Variants in OAS1 observed in about 807,000 individuals in gnomAD.
The protein encoded by OAS1 is 2'-5'-oligoadenylate synthase 1.
In OAS1, 24 loss-of-function variants were observed where a neutral mutation model predicts 38.5. The observed-to-expected ratio is 0.62, with a 90% CI of 0.45 to 0.88. The LOEUF (loss-of-function observed/expected upper bound fraction) is 0.88. OAS1 is among the 40% of genes least tolerant of loss of function. The pLI, the probability that OAS1 is intolerant of heterozygous loss-of-function variation, is 0.00. For missense variants in OAS1, 482 were observed against 493.9 expected, an observed-to-expected ratio of 0.98 and a Z score of 0.23; for synonymous variants, 169 against 193.9, an observed-to-expected ratio of 0.87 and a Z score of 1.07.
At chr12:112,917,967 G>A (rs572312387) in intron 5 of OAS1, 432 of 1,387,092 alleles carry the variant, frequency 3.1e-4, no homozygotes, top group Admixed American at 3.8e-4. Flanking sequence ...TGTCTGCTTC[G>A]GGCTCAGGTT....
At chr12:112,925,535 T>C (rs1206308581) in intron 6 of OAS1, among the ~76,000 whole-genome samples, 1 of 152,132 alleles carries the variant, frequency 6.6e-6, no homozygotes, top group Non-Finnish European at 1.5e-5. Flanking sequence ...CAAATAGGTG[T>C]GCATGCTTTG....
chr12:112,913,996 C>T (rs2043420672), intron 3 of OAS1, among the ~76,000 whole-genome samples: 1 of 152,124 alleles, frequency 6.6e-6, no homozygotes, highest in South Asian at 2.1e-4. Flanking sequence ...TGTTTGGTTA[C>T]ATGAATAAGT....
chr12:112,912,372 G>A (rs926174997), intron 3 of OAS1, among the ~76,000 whole-genome samples: 2 of 152,052 alleles, frequency 1.3e-5, no homozygotes, highest in Non-Finnish European at 2.9e-5. Flanking sequence ...ACAAAAACTC[G>A]AATTTGGGTC....
downstream of OAS1, chr12:112,932,907 G>C (rs770930415): frequency 6.6e-6 from 1 of 152,150 alleles, no homozygotes; most frequent in Non-Finnish European, 1.5e-5. Flanking sequence ...CACATTCCAC[G>C]CCCTCCTTTG....
At chr12:112,928,703 C>T (rs1280955618) in intron 6 of OAS1, among the ~76,000 whole-genome samples, 2 of 152,208 alleles carry the variant, frequency 1.3e-5, no homozygotes, top group Admixed American at 6.5e-5. Context: ...ACTGACGTGC[C>T]GTCACTTCTC....
In OAS1 at chr12:112,907,564, G is replaced by A. The variant is rs570446925; in HGVS notation, c.180+345G>A. ...TTGCTAATTCGTGGCCAGGCTAGGG[G>A]CTCACCATTTCTGCAGTGAAGAATC... is the stretch of plus-strand genomic sequence containing the variant. On this transcript the variant is annotated intron_variant, in intron 1 of 5. Coordinates refer to ENST00000202917, the MANE Select transcript of OAS1 (RefSeq NM_016816.4). The A allele has an allele frequency of 9.1e-5, 22 of 240,588 alleles. No homozygotes were observed. The South Asian group carries it at 2.2e-3, about 24-fold the overall frequency. The allele number at this position is 240,588 out of a possible 1,614,324, so 14.9% of individuals were successfully genotyped here. A position where few individuals can be genotyped will look rare whatever the true frequency, so the allele number is the denominator to read the frequency against.
exon 7 of OAS1, chr12:112,931,971 T>C (rs2043599953): frequency 1.4e-6 from 1 of 699,960 alleles, no homozygotes. Context: ...CATTATCCTA[T>C]AGTTTCCAGG....
chr12:112,916,428 C>G (rs1253723763), intron 3 of OAS1, 81 bp from the exon 4 acceptor site: 1 of 1,002,946 alleles, frequency 1.0e-6, no homozygotes, highest in South Asian at 1.4e-5. Flanking sequence ...AGGTGGCAGG[C>G]TGGATTTGGC....
rs540823823 is a variant in OAS1, at chr12:112,912,018, C to T, written c.654+783C>T. ...AGAGAAACTCCTGGGTCACATGGCT[C>T]ATTCGGCCAATAAGTAGCAGAAGTA... On this transcript the variant is annotated intron_variant, in intron 3 of 5. Transcript: ENST00000202917. Among the ~76,000 whole-genome samples the T allele has an allele frequency of 2.2e-3, 335 of 152,334 alleles. 1 individual carries two copies. Among genetic ancestry groups the T allele is most frequent in the African/African-American group, 7.8e-3 (325 of 41,578 alleles).
downstream of OAS1, among the ~76,000 whole-genome samples, chr12:112,922,074 G>A (rs1053275772): frequency 2.0e-5 from 3 of 152,132 alleles, no homozygotes; most frequent in African/African-American, 4.8e-5. Flanking sequence ...AGAATCTGAT[G>A]ACGCTTTTCG....
At chr12:112,921,440 T>C (rs559007126), downstream of OAS1, among the ~76,000 whole-genome samples, 12 of 152,336 alleles carry the variant, frequency 7.9e-5, no homozygotes, top group South Asian at 2.1e-4. Context: ...GAATCAGTAA[T>C]TAGTTGCTTG....
downstream of OAS1, among the ~76,000 whole-genome samples, chr12:112,922,822 A>G (rs2043538600): frequency 6.6e-6 from 1 of 152,212 alleles, no homozygotes; most frequent in Non-Finnish European, 1.5e-5. Context: ...TCTAGGAGCC[A>G]TCCTAGGAGT....
downstream of OAS1, among the ~76,000 whole-genome samples, chr12:112,923,824 C>G (rs1465962800): frequency 6.6e-6 from 1 of 152,176 alleles, no homozygotes; most frequent in Non-Finnish European, 1.5e-5. Flanking sequence ...AGGACAGTGT[C>G]TTCAACAAAT....
At chr12:112,919,322 A>G in intron 5 of OAS1, 67 bp from the exon 6 acceptor site, 1 of 1,418,550 alleles carries the variant, frequency 7.0e-7, no homozygotes, top group East Asian at 2.3e-5. Flanking sequence ...TCTACCGTAA[A>G]TGCTCACTGA....
chr12:112,923,364 A>G (rs961843057), downstream of OAS1, among the ~76,000 whole-genome samples: 2 of 152,194 alleles, frequency 1.3e-5, no homozygotes, highest in Non-Finnish European at 2.9e-5. Context: ...ACATCCTCAC[A>G]CTTGTTATCT....
chr12:112,917,030 GA>G (rs1230352050), intron 4 of OAS1: 16 of 400,882 alleles, frequency 4.0e-5, no homozygotes, highest in Admixed American at 7.6e-5. Flanking sequence ...AGTTTGAACT[GA>G]AATAAGAACA....
downstream of OAS1, among the ~76,000 whole-genome samples, chr12:112,922,839 A>C (rs1565966846): frequency 6.6e-6 from 1 of 152,208 alleles, no homozygotes; most frequent in Non-Finnish European, 1.5e-5. Flanking sequence ...GAGTCAGGGA[A>C]AACCTCGGCT....
chr12:112,911,098 C>T lies in OAS1; in HGVS notation c.517C>T (p.Leu173Phe). 1 of 1,614,072 alleles carries T rather than the reference C, an allele frequency of 6.2e-7. No individual in the cohort carries two copies. Among genetic ancestry groups the T allele is most frequent in the South Asian group, 1.1e-5 (1 of 91,068 alleles). ...ACCTAACCCCCAAATCTATGTCAAG[C>T]TCATCGAGGAGTGCACCGACCTGCA... ...YKPNPQIYVK[L>F]IEECTDLQKE... The change falls in exon 3 of 6, where the codon CTC becomes TTC. Residue 173 changes from leucine (L) to phenylalanine (F), a missense_variant. Transcript: ENST00000202917.
Position 112,908,398 on chromosome 12 carries a change from G to A in OAS1, c.181-138G>A. ...CATCCAAATCATAGCATCATTGTGA[G>A]CATTATAGGAGTTTAAGACATGCAA... On this transcript the variant is annotated intron_variant, in intron 1 of 5. Transcript: ENST00000202917. 5.4e-6 allele frequency: 4 copies of A among 737,032 alleles called. No homozygotes were observed. The East Asian group carries it at 1.1e-4, about 20-fold the overall frequency. The allele number at this position is 737,032 out of a possible 1,614,324, so 45.7% of individuals were successfully genotyped here. A position where few individuals can be genotyped will look rare whatever the true frequency, so the allele number is the denominator to read the frequency against.
Sources: allele counts gnomAD v4.1 joint callset (sites outside exome capture counted in the v4.1 genomes callset), GRCh38; gene constraint gnomAD v4.1.1; transcripts MANE v1.5; gene names NCBI Gene and HGNC (gene_info 2026-07-23, HGNC 2026-07-21).